The following SEM1 variants were observed in gnomAD, a reference collection of about 807,000 sequenced individuals.
SEM1 encodes the protein 26S proteasome complex subunit SEM1.
SEM1 carries 3 observed loss-of-function variants against 12.7 expected under a neutral mutation model. The ratio of observed to expected loss-of-function variants is 0.24; its 90% CI spans 0.11 to 0.61. The LOEUF is 0.61. SEM1 is among the 20% of genes least tolerant of loss of function. The probability of loss-of-function intolerance (pLI) is 0.88; values close to 1 mark genes in which losing one functional copy is unlikely to be tolerated. For synonymous variants in SEM1, 30 were observed against 27.8 expected, an observed-to-expected ratio of 1.08 and a Z score of -0.25; for missense variants, 59 against 81.3, an observed-to-expected ratio of 0.73 and a Z score of 1.06.
chr7:96,529,213 T>G (rs948223686), intron 2 of SEM1, among the ~76,000 whole-genome samples: 84 of 152,208 alleles, frequency 5.5e-4, no homozygotes, highest in African/African-American at 1.9e-3. Context: ...CCCAATCTTT[T>G]TAGAAGACAA....
intron 2 of SEM1, among the ~76,000 whole-genome samples, chr7:96,676,722 C>A (rs1434339686): frequency 6.6e-6 from 1 of 152,108 alleles, no homozygotes; most frequent in Non-Finnish European, 1.5e-5. Flanking sequence ...TTTCCCATAT[C>A]TTTTTCTCTC....
chr7:96,649,513 C>T (rs1400247748), intron 2 of SEM1: 2 of 152,088 alleles, frequency 1.3e-5, no homozygotes, highest in Non-Finnish European at 2.9e-5. Flanking sequence ...TAATCTTGAC[C>T]AACACTGAAG....
At chr7:96,565,987 CT>C (rs1360124002) in intron 2 of SEM1, among the ~76,000 whole-genome samples, 1 of 151,804 alleles carries the variant, frequency 6.6e-6, no homozygotes, top group Non-Finnish European at 1.5e-5. Context: ...TCATATAGCA[CT>C]TTTGTCCAAA....
At chr7:96,550,332 T>C (rs1805229585) in intron 2 of SEM1, among the ~76,000 whole-genome samples, 1 of 152,222 alleles carries the variant, frequency 6.6e-6, no homozygotes, top group Non-Finnish European at 1.5e-5. Flanking sequence ...GACTTTAGAA[T>C]AGCTAAGTAC....
intron 2 of SEM1, among the ~76,000 whole-genome samples, chr7:96,604,226 T>A (rs1807276324): frequency 6.6e-6 from 1 of 152,132 alleles, no homozygotes; most frequent in African/African-American, 2.4e-5. Context: ...CTATTAATGA[T>A]CATTAAAATA....
intron 2 of SEM1, among the ~76,000 whole-genome samples, chr7:96,546,274 G>T (rs1207312345): frequency 6.6e-6 from 1 of 152,016 alleles, no homozygotes; most frequent in Non-Finnish European, 1.5e-5. Flanking sequence ...CATCGGAGGG[G>T]AAGAAAATAT....
intron 2 of SEM1, among the ~76,000 whole-genome samples, chr7:96,630,769 G>A (rs930292797): frequency 6.6e-6 from 1 of 151,846 alleles, no homozygotes; most frequent in South Asian, 2.1e-4. Context: ...AAGTCTCAGA[G>A]GCTCACCCAA....
intron 2 of SEM1, among the ~76,000 whole-genome samples, chr7:96,610,392 C>T (rs183759090): frequency 4.6e-5 from 7 of 151,884 alleles, no homozygotes; most frequent in East Asian, 1.9e-4. Context: ...AGCCACCAAG[C>T]CCGGGCTCCA....
intron 2 of SEM1, among the ~76,000 whole-genome samples, chr7:96,613,506 G>C (rs1880514): frequency 2.6e-5 from 4 of 151,938 alleles, no homozygotes; most frequent in Admixed American, 2.6e-4. Context: ...GCTAATTAGC[G>C]TATCTATCAC....
intron 2 of SEM1, among the ~76,000 whole-genome samples, chr7:96,573,865 A>AT (rs1397281146): frequency 6.6e-6 from 1 of 151,324 alleles, no homozygotes; most frequent in Non-Finnish European, 1.5e-5. Context: ...ACTTGGTTCC[A>AT]TTCTCCCCGT....
intron 2 of SEM1, among the ~76,000 whole-genome samples, chr7:96,634,564 A>G (rs1808369905): frequency 6.7e-6 from 1 of 148,718 alleles, no homozygotes; most frequent in African/African-American, 2.4e-5. Flanking sequence ...TCTCTCTCAT[A>G]TACATGCATA....
At chr7:96,708,227 T>C (rs1429029391) in intron 1 of SEM1, 1 of 152,148 alleles carries the variant, frequency 6.6e-6, no homozygotes, top group Non-Finnish European at 1.5e-5. Flanking sequence ...AAAGAAAACA[T>C]GACTGAATAG....
Position 96,640,364 on chromosome 7 carries a change from C to T in SEM1, c.171-17721G>A, listed in dbSNP as rs1808554065. Reference sequence around the variant, plus strand: ...GATGAATGAAAAATAAACTGTGGTACATAAAGATAATGGACTATTTTCCAG... The same window carrying T: ...GATGAATGAAAAATAAACTGTGGTATATAAAGATAATGGACTATTTTCCAG... On this transcript the variant is annotated intron_variant, in intron 2 of 2. Coordinates refer to the SEM1 transcript ENST00000417009. The surrounding 1 kb of genome is among the most constrained non-coding windows in gnomAD (Gnocchi z 4.0). 6.6e-6 allele frequency among the ~76,000 whole-genome samples: 1 copy of T among 151,872 alleles called. No homozygotes were observed. Among genetic ancestry groups the T allele is most frequent in the South Asian group, 2.1e-4 (1 of 4,830 alleles).
chr7:96,538,681 C>T (rs534926421), intron 2 of SEM1, among the ~76,000 whole-genome samples: 10 of 151,914 alleles, frequency 6.6e-5, no homozygotes, highest in African/African-American at 2.4e-4. Flanking sequence ...TTACAATATA[C>T]TCCCATTGTT....
chr7:96,672,667 G>A (rs1789348687), downstream of SEM1: 1 of 152,128 alleles, frequency 6.6e-6, no homozygotes, highest in Admixed American at 6.6e-5. Flanking sequence ...TGATTCTTAG[G>A]ATAAACACTA....
intron 3 of SEM1, among the ~76,000 whole-genome samples, chr7:96,484,483 T>A (rs1177463454): frequency 6.6e-6 from 1 of 152,170 alleles, no homozygotes; most frequent in Admixed American, 6.5e-5. Flanking sequence ...GCTACATGTG[T>A]CTCACTCTAA....
exon 4 of SEM1, chr7:96,481,777 C>A (rs1025490000): frequency 1.3e-5 from 2 of 152,018 alleles, no homozygotes; most frequent in African/African-American, 4.8e-5. Context: ...TAACACTATT[C>A]ACATTGTAAA....
At chr7:96,599,725 C>G (rs1807135284) in intron 2 of SEM1, among the ~76,000 whole-genome samples, 1 of 152,150 alleles carries the variant, frequency 6.6e-6, no homozygotes, top group African/African-American at 2.4e-5. Flanking sequence ...CCACACGCAT[C>G]CTGGGGTCAG....
chr7:96,505,846 A>G (rs1316453227), intron 3 of SEM1, among the ~76,000 whole-genome samples: 1 of 152,098 alleles, frequency 6.6e-6, no homozygotes, highest in Non-Finnish European at 1.5e-5. Context: ...GGGAATTAGG[A>G]TTTCAACCTG....
Sources: gnomAD v4.1 joint callset for allele counts (sites outside exome capture counted in the v4.1 genomes callset) on GRCh38, gnomAD v4.1.1 for gene constraint, Gnocchi (gnomAD v3.1) non-coding constraint, MANE v1.5 for transcripts, NCBI Gene and HGNC (gene_info 2026-07-23, HGNC 2026-07-21) for gene names.